Variants in NUP188 observed in about 807,000 individuals in gnomAD.
NUP188 encodes the protein nucleoporin NUP188.
Under a neutral mutation model 223.0 loss-of-function variants are expected in NUP188, and 97 were observed. The observed-to-expected ratio is 0.43, with a 90% CI of 0.37 to 0.51. The LOEUF (loss-of-function observed/expected upper bound fraction) is 0.51, where lower values mean the gene tolerates loss of function less well. NUP188 is among the 20% of genes least tolerant of loss of function. NUP188 has a pLI of 0.00. For missense variants in NUP188, 1,947 were observed against 2,175.6 expected, an observed-to-expected ratio of 0.89 and a Z score of 2.09; for synonymous variants, 869 against 828.0, an observed-to-expected ratio of 1.05 and a Z score of -0.85.
At chr9:128,987,086 A>AGT (rs1393383886) in intron 22 of NUP188, among the ~76,000 whole-genome samples, 4,774 of 127,452 alleles carry the variant, frequency 0.037, 75 homozygotes, top group East Asian at 0.09. Flanking sequence ...AGAGAGAGAG[A>AGT]GAGTGTGTGT....
intron 2 of NUP188, among the ~76,000 whole-genome samples, chr9:128,951,264 G>A (rs1294248762): frequency 4.1e-5 from 6 of 146,182 alleles, no homozygotes; most frequent in South Asian, 4.3e-4. Flanking sequence ...TCGAGATCGC[G>A]CAACTGTACT....
At chr9:129,002,006 A>C (rs1842680168) in intron 36 of NUP188, 30 bp downstream of exon 36, 1 of 1,560,828 alleles carries the variant, frequency 6.4e-7, no homozygotes, top group Non-Finnish European at 8.8e-7. Flanking sequence ...CAGGAGGCCC[A>C]GCCTGACCAC....
rs1842077294 is a variant in NUP188 at position 128,969,515 on chromosome 9, G to A, written c.912+1G>A. 2 of 1,523,516 alleles carry A rather than the reference G, an allele frequency of 1.3e-6. No homozygotes were observed. Among genetic ancestry groups the A allele is most frequent in the Non-Finnish European group, 8.8e-7 (1 of 1,134,348 alleles). The allele number at this position is 1,523,516 out of a possible 1,614,324, so 94.4% of individuals were successfully genotyped here. Reference sequence around the variant, plus strand: ...TGCGCAGGATGGGCTTATTTGTCAGGTGACTTGGAATAGCCTCTTTTTTTT... The same window carrying A: ...TGCGCAGGATGGGCTTATTTGTCAGATGACTTGGAATAGCCTCTTTTTTTT... On this transcript the variant is annotated splice_donor_variant, in intron 10 of 43. Coordinates refer to ENST00000372577, the MANE Select transcript of NUP188 (RefSeq NM_015354.3). LOFTEE classifies it high-confidence loss of function.
chr9:128,962,432 G>T (rs1841969039), intron 8 of NUP188, among the ~76,000 whole-genome samples: 1 of 151,898 alleles, frequency 6.6e-6, no homozygotes, highest in African/African-American at 2.4e-5. Context: ...TGTATTTTTA[G>T]TAGAGACAGG....
intron 1 of NUP188, chr9:128,948,657 A>G (rs985296266): frequency 6.7e-6 from 1 of 149,494 alleles, no homozygotes; most frequent in South Asian, 2.1e-4. Context: ...ACCCTCCCTC[A>G]AAGTTAAACA....
chr9:128,999,383 G>C, intron 33 of NUP188, 66 bp downstream of exon 33: 1 of 1,566,916 alleles, frequency 6.4e-7, no homozygotes, highest in African/African-American at 1.3e-5. Flanking sequence ...GCCAGGCAGG[G>C]CTTCCTTCAG....
At chr9:128,962,450 C>T (rs184992068) in intron 8 of NUP188, among the ~76,000 whole-genome samples, 8 of 152,108 alleles carry the variant, frequency 5.3e-5, no homozygotes, top group East Asian at 3.9e-4. Flanking sequence ...AGGGTTTCAC[C>T]GTGTTAGCCA....
intron 12 of NUP188, among the ~76,000 whole-genome samples, chr9:128,973,973 C>T (rs558108759): frequency 8.5e-5 from 13 of 152,174 alleles, no homozygotes; most frequent in East Asian, 1.9e-4. Context: ...TGCAGTGACG[C>T]GATCTCGGCT....
chr9:128,964,246 G>A (rs756696541), intron 8 of NUP188: 5 of 371,534 alleles, frequency 1.3e-5, no homozygotes, highest in South Asian at 1.1e-4. Context: ...GTGGATGTTT[G>A]TCTTATCAAA....
chr9:128,967,454 A>G (rs1842045954), intron 8 of NUP188, among the ~76,000 whole-genome samples: 1 of 152,130 alleles, frequency 6.6e-6, no homozygotes, highest in African/African-American at 2.4e-5. Context: ...CAGGAATTCA[A>G]GACCAGCCCT....
rs140889124 is a variant in NUP188 at position 129,006,117 on chromosome 9, C to T, written c.4937C>T (p.Thr1646Met). 1.1e-5 allele frequency: 17 copies of T among 1,614,008 alleles called. No individual in the cohort carries two copies. The highest frequency in any genetic ancestry group is 5.3e-5 in the African/African-American group (4 of 74,898). The change falls in exon 42 of 44, where the codon ACG becomes ATG. Residue 1646 changes from threonine to methionine, a missense_variant. Transcript: ENST00000372577. ...AGCACACAGGCAGAAGGGACCAGGA[C>T]GTTAAAGTAAGTGCTCTTTCTGGGA... ...GLSTQAEGTRTLKSLLMFTME... is the reference protein window; with the variant it reads ...GLSTQAEGTRMLKSLLMFTME...
At chr9:128,994,324 A>T in intron 27 of NUP188, 49 bp from the exon 28 acceptor site, 2 of 1,295,348 alleles carry the variant, frequency 1.5e-6, no homozygotes, top group African/African-American at 1.5e-5. Flanking sequence ...GGAGAAAATG[A>T]CTGTGAGAGG....
chr9:128,987,100 T>A (rs866451140), intron 22 of NUP188, among the ~76,000 whole-genome samples: 197 of 148,638 alleles, frequency 1.3e-3, no homozygotes, highest in South Asian at 3.1e-3. Context: ...TGTGTGTGTG[T>A]GTGTGTGTGT....
chr9:128,954,024 T>C (rs892101938), intron 3 of NUP188, among the ~76,000 whole-genome samples: 1 of 151,638 alleles, frequency 6.6e-6, no homozygotes, highest in African/African-American at 2.4e-5. Flanking sequence ...GAGATGGGGT[T>C]TCACCATGTT....
intron 34 of NUP188, among the ~76,000 whole-genome samples, chr9:129,001,015 G>T (rs1406135333): frequency 6.6e-6 from 1 of 152,082 alleles, no homozygotes; most frequent in Non-Finnish European, 1.5e-5. Flanking sequence ...CCAGCCTGGG[G>T]GACAGAGCGA....
rs749725968 is a variant in NUP188, at chr9:128,999,335, G to C, written c.3661+18G>C. On this transcript the variant is annotated intron_variant, in intron 33 of 43. Transcript: ENST00000372577. ...GATGAAAGGTGAGGGGCAGAGGCAG[G>C]GGGAGCAGCAGCTGCAGTCTGCCCA... 3 of 1,611,646 alleles carry C rather than the reference G, an allele frequency of 1.9e-6. No homozygotes were observed. The highest frequency in any genetic ancestry group is 2.7e-5 in the African/African-American group (2 of 74,908).
At chr9:128,989,801 C>A (rs931816887) in intron 24 of NUP188, among the ~76,000 whole-genome samples, 28 of 152,044 alleles carry the variant, frequency 1.8e-4, no homozygotes, top group African/African-American at 6.8e-4. Flanking sequence ...CACTGCACTT[C>A]AGCCTGGGTG....
At chr9:129,005,803 C>G (rs748237561) in intron 41 of NUP188, 27 bp downstream of exon 41, 21 of 1,566,736 alleles carry the variant, frequency 1.3e-5, no homozygotes, top group Non-Finnish European at 1.8e-5. Context: ...AGACACTGTC[C>G]TCTCCCCCCG....
rs768394278 is a variant in NUP188, at chr9:128,993,505, T to A, written c.2848-20T>A. ...TGGCAGTGGCTGTGGAACTGAACTC[T>A]TACCTGTCCCTTCTTGCAGGAATTC... On this transcript the variant is annotated intron_variant, in intron 26 of 43. Transcript: ENST00000372577. 6.2e-7 allele frequency: 1 copy of A among 1,613,752 alleles called. No individual in the cohort carries two copies. Among genetic ancestry groups the A allele is most frequent in the South Asian group, 1.1e-5 (1 of 91,084 alleles).
Sources: gnomAD v4.1 joint callset for allele counts (sites outside exome capture counted in the v4.1 genomes callset) on GRCh38, gnomAD v4.1.1 for gene constraint, MANE v1.5 for transcripts, NCBI Gene and HGNC (gene_info 2026-07-23, HGNC 2026-07-21) for gene names.